DCC: variants seen among roughly 807,000 people sequenced by gnomAD.
The protein encoded by DCC is netrin receptor DCC.
Under a neutral mutation model 172.5 loss-of-function variants are expected in DCC, and 58 were observed. The ratio of observed to expected loss-of-function variants is 0.34; its 90% CI spans 0.27 to 0.42. The LOEUF is 0.42. DCC is among the 10% of genes least tolerant of loss of function. DCC has a pLI of 1.00. For missense variants in DCC, 1,740 were observed against 1,791.0 expected (o/e 0.97, Z 0.51); for synonymous variants, 709 against 644.5 (o/e 1.10, Z -1.52).
chr18:53,403,992 AAAAT>A (rs1408680480), intron 19 of DCC, among the ~76,000 whole-genome samples: 2 of 152,232 alleles, frequency 1.3e-5, no homozygotes, highest in African/African-American at 4.8e-5. Flanking sequence ...AGTGAGGCAC[AAAAT>A]TTCCCCAAGA....
intron 27 of DCC, among the ~76,000 whole-genome samples, chr18:53,525,693 G>A (rs1484141755): frequency 6.6e-6 from 1 of 151,954 alleles, no homozygotes; most frequent in Admixed American, 6.6e-5. Flanking sequence ...GCAAAATATA[G>A]GACCCCATTA....
intron 13 of DCC, among the ~76,000 whole-genome samples, chr18:53,319,691 A>C (rs1568053846): frequency 6.6e-6 from 1 of 152,228 alleles, no homozygotes; most frequent in Non-Finnish European, 1.5e-5. Flanking sequence ...ATCACTGGGC[A>C]GGCCATTAAG....
chr18:52,379,004 C>G (rs150381489), intron 1 of DCC, among the ~76,000 whole-genome samples: 1 of 152,232 alleles, frequency 6.6e-6, no homozygotes, highest in East Asian at 1.9e-4. Context: ...AGTATAGGTA[C>G]AAACCAGTTT....
At chr18:53,274,377 T>G (rs1331792729) in intron 12 of DCC, among the ~76,000 whole-genome samples, 1 of 152,180 alleles carries the variant, frequency 6.6e-6, no homozygotes, top group Admixed American at 6.5e-5. Context: ...AAATTCCACT[T>G]TTCATCCTAT....
intron 15 of DCC, among the ~76,000 whole-genome samples, chr18:53,367,524 G>T (rs1430801377): frequency 6.6e-6 from 1 of 152,024 alleles, no homozygotes; most frequent in Non-Finnish European, 1.5e-5. Flanking sequence ...TAATTCACAT[G>T]ACATAAAATT....
chr18:53,400,726 C>A (rs1014028701), intron 18 of DCC, among the ~76,000 whole-genome samples: 1 of 152,136 alleles, frequency 6.6e-6, no homozygotes, highest in Non-Finnish European at 1.5e-5. Context: ...GCTTGCACAG[C>A]ACCTGAATTA....
chr18:52,730,158 A>G (rs1051286680), intron 1 of DCC, among the ~76,000 whole-genome samples: 7 of 152,194 alleles, frequency 4.6e-5, no homozygotes, highest in Non-Finnish European at 5.9e-5. Context: ...GTGGTTCTCA[A>G]CTGGGGATGA....
intron 1 of DCC, among the ~76,000 whole-genome samples, chr18:52,516,442 T>C (rs1185074456): frequency 6.6e-6 from 1 of 152,208 alleles, no homozygotes; most frequent in Non-Finnish European, 1.5e-5. Context: ...CACACCAAAG[T>C]CAATATTTGT....
At chr18:52,732,803 TA>T (rs1241396592) in intron 1 of DCC, among the ~76,000 whole-genome samples, 1 of 152,142 alleles carries the variant, frequency 6.6e-6, no homozygotes. Flanking sequence ...AGTTGGAAAT[TA>T]AATCATGTAA....
At chr18:52,343,716 T>G (rs1983756241) in intron 1 of DCC, among the ~76,000 whole-genome samples, 1 of 152,232 alleles carries the variant, frequency 6.6e-6, no homozygotes, top group East Asian at 1.9e-4. Context: ...TCTTCATACA[T>G]GTTTGGGTTC....
chr18:52,807,103 G>A (rs1003089575), intron 2 of DCC, among the ~76,000 whole-genome samples: 6 of 152,322 alleles, frequency 3.9e-5, no homozygotes, highest in Admixed American at 3.3e-4. Flanking sequence ...GCTGAGGCAG[G>A]AGAATCGCTT....
In DCC at chr18:53,257,996, T is replaced by C. The variant is rs1013491738; in HGVS notation, c.1911+42399T>C. On this transcript the variant is annotated intron_variant, in intron 12 of 28. Coordinates refer to ENST00000442544, the MANE Select transcript of DCC (RefSeq NM_005215.4). ...TCTTCTAGATTTTCTAGTTTATTTG[T>C]GTAGAGGTCTTTATAGTATTCTCTG... 1.2e-4 allele frequency among the ~76,000 whole-genome samples: 19 copies of C among 152,268 alleles called. No individual in the cohort carries two copies. The East Asian group carries it at 3.7e-3, about 29-fold the overall frequency.
chr18:53,149,714 C>T (rs1246023222), intron 7 of DCC, among the ~76,000 whole-genome samples: 1 of 152,184 alleles, frequency 6.6e-6, no homozygotes, highest in African/African-American at 2.4e-5. Flanking sequence ...GCCAGTTTAT[C>T]AGATAATATT....
chr18:53,238,247 C>T (rs929055225), intron 12 of DCC, among the ~76,000 whole-genome samples: 7 of 152,018 alleles, frequency 4.6e-5, no homozygotes, highest in Admixed American at 3.3e-4. Flanking sequence ...TTATCTGATA[C>T]GTAGTGTTGG....
At chr18:52,795,077 C>G (rs1456555673) in intron 2 of DCC, among the ~76,000 whole-genome samples, 1 of 151,826 alleles carries the variant, frequency 6.6e-6, no homozygotes. Flanking sequence ...GAAAAAATGG[C>G]CTGTAGGTTT....
intron 1 of DCC, among the ~76,000 whole-genome samples, chr18:52,478,186 A>G (rs192650388): frequency 9.2e-5 from 14 of 152,032 alleles, no homozygotes; most frequent in Admixed American, 9.2e-4. Flanking sequence ...TTACTTAGAG[A>G]TTAATTTCTC....
intron 5 of DCC, among the ~76,000 whole-genome samples, chr18:52,967,003 C>T (rs1245109316): frequency 6.6e-6 from 1 of 152,164 alleles, no homozygotes; most frequent in African/African-American, 2.4e-5. Context: ...ACTCCTCCCT[C>T]TGGTTGGCTC....
At chr18:52,897,458 A>T (rs2039747765) in intron 2 of DCC, among the ~76,000 whole-genome samples, 1 of 152,252 alleles carries the variant, frequency 6.6e-6, no homozygotes, top group Admixed American at 6.5e-5. Flanking sequence ...TCAAACATTT[A>T]GAGTCACATA....
At chr18:53,097,421 T>G (rs1293968408) in intron 7 of DCC, among the ~76,000 whole-genome samples, 1 of 152,252 alleles carries the variant, frequency 6.6e-6, no homozygotes, top group African/African-American at 2.4e-5. Flanking sequence ...ATTTATAAAA[T>G]TATGTGCCTA....
Sources: allele counts gnomAD v4.1 joint callset (sites outside exome capture counted in the v4.1 genomes callset), GRCh38; gene constraint gnomAD v4.1.1; transcripts MANE v1.5; gene names NCBI Gene and HGNC (gene_info 2026-07-23, HGNC 2026-07-21).